Variants in RRP12 observed in about 807,000 individuals in gnomAD.
The protein encoded by RRP12 is RRP12-like protein.
Under a neutral mutation model 157.3 loss-of-function variants are expected in RRP12, and 78 were observed. The ratio of observed to expected loss-of-function variants is 0.50; its 90% CI spans 0.41 to 0.60. RRP12 has a LOEUF of 0.60. Ranked by LOEUF, RRP12 falls within the 20% of genes least tolerant of loss-of-function variation. The probability of loss-of-function intolerance (pLI) is 0.00; values close to 1 mark genes in which losing one functional copy is unlikely to be tolerated. For synonymous variants in RRP12, 726 were observed against 670.9 expected (o/e 1.08, Z -1.27); for missense variants, 1,521 against 1,679.9 (o/e 0.91, Z 1.65).
intron 26 of RRP12, 36 bp from the exon 27 acceptor site, chr10:97,366,945 G>C: frequency 6.2e-7 from 1 of 1,610,214 alleles, no homozygotes; most frequent in Non-Finnish European, 8.5e-7. Context: ...GAGAGGCACT[G>C]GCCAGACAGC....
At chr10:97,373,318 G>A in intron 17 of RRP12, 118 bp from the exon 18 acceptor site, 1 of 1,158,776 alleles carries the variant, frequency 8.6e-7, no homozygotes, top group Non-Finnish European at 1.2e-6. Context: ...TGGAATCCAT[G>A]GGTTTGGGGC....
intron 30 of RRP12, among the ~76,000 whole-genome samples, chr10:97,361,761 T>C (rs1843846718): frequency 6.6e-6 from 1 of 152,156 alleles, no homozygotes; most frequent in South Asian, 2.1e-4. Context: ...TGGCCCTGAA[T>C]GGAGGCAGCT....
intron 30 of RRP12, among the ~76,000 whole-genome samples, chr10:97,360,925 G>A (rs1364724512): frequency 1.3e-5 from 2 of 152,216 alleles, no homozygotes; most frequent in African/African-American, 4.8e-5. Flanking sequence ...GAGGGCTTCT[G>A]ACATCAGCTT....
In RRP12 at chr10:97,371,052, G is replaced by C; in HGVS notation, c.2373C>G (p.Ala791=). ...ESKAHGVQKK[A]YRVLEEVCAS... is the part of the protein sequence containing the mutation. ...CACACACCTCCTCCAGCACTCGGTAGGCCTTCTTCTGCACCCCGTGGGCCT... is the reference window on the plus strand; with the variant it reads ...CACACACCTCCTCCAGCACTCGGTACGCCTTCTTCTGCACCCCGTGGGCCT... Residue 791 remains alanine, a synonymous_variant, in exon 21 of 34, where the codon GCC becomes GCG. Transcript: ENST00000370992. 1.2e-6 allele frequency: 2 copies of C among 1,613,836 alleles called. No homozygotes were observed. The highest frequency in any genetic ancestry group is 1.7e-5 in the Admixed American group (1 of 59,992).
chr10:97,379,897 T>G, intron 13 of RRP12, 127 bp from the exon 14 acceptor site: 1 of 853,232 alleles, frequency 1.2e-6, no homozygotes, highest in Non-Finnish European at 1.7e-6. Flanking sequence ...GGGTACAGAC[T>G]GAGAACCCAA....
intron 15 of RRP12, 39 bp downstream of exon 15, chr10:97,379,254 G>C: frequency 6.2e-7 from 1 of 1,609,352 alleles, no homozygotes; most frequent in Non-Finnish European, 8.5e-7. Context: ...CAGGACTGTG[G>C]GGAGCCTCAG....
chr10:97,398,322 G>A lies in RRP12; in HGVS notation c.369+1983C>T, dbSNP rs1163293616. 1.1e-4 allele frequency among the ~76,000 whole-genome samples: 10 copies of A among 93,614 alleles called. 2 individuals are homozygous for A. The highest frequency in any genetic ancestry group is 1.8e-4 in the Non-Finnish European group (9 of 49,970). 61.4% of individuals were successfully genotyped at this position (93,614 alleles called of 152,430 possible). A position where few individuals can be genotyped will look rare whatever the true frequency, so the allele number is the denominator to read the frequency against. On this transcript the variant is annotated intron_variant, in intron 2 of 33. Coordinates refer to ENST00000370992, the MANE Select transcript of RRP12 (RefSeq NM_015179.4). ...ACCCGCCTCGGCCTCCCAAAGTGCT[G>A]GGATTACAGGCGTGAGCCACCGCGC... is the stretch of plus-strand genomic sequence containing the variant.
intron 2 of RRP12, among the ~76,000 whole-genome samples, chr10:97,397,392 C>A (rs2133102304): frequency 6.6e-6 from 1 of 151,980 alleles, no homozygotes; most frequent in Non-Finnish European, 1.5e-5. Context: ...GAACTTCTGA[C>A]CTCAAGTGAT....
chr10:97,374,810 T>C (rs1032909620), intron 15 of RRP12, among the ~76,000 whole-genome samples: 1 of 149,990 alleles, frequency 6.7e-6, no homozygotes, highest in African/African-American at 2.5e-5. Context: ...GAATATACTA[T>C]ATATATAGCA....
In RRP12 at chr10:97,380,977, G is replaced by A. The variant is rs558174259; in HGVS notation, c.1419-64C>T. 116 of 1,341,260 alleles carry A rather than the reference G, an allele frequency of 8.6e-5. 2 individuals carry two copies. In the South Asian group the frequency reaches 9.0e-4, roughly 10 times the overall value. The allele number at this position is 1,341,260 out of a possible 1,614,324, so 83.1% of individuals were successfully genotyped here. On this transcript the variant is annotated intron_variant, in intron 12 of 33. Coordinates refer to ENST00000370992, the MANE Select transcript of RRP12 (RefSeq NM_015179.4). Reference sequence around the variant, plus strand: ...CACCCTGTGCCCCCCACCAGAGAAAGTCAACGGCCAGCACCCTGAGCTACA... The same window carrying A: ...CACCCTGTGCCCCCCACCAGAGAAAATCAACGGCCAGCACCCTGAGCTACA...
intron 8 of RRP12, 131 bp from the exon 9 acceptor site, chr10:97,386,124 C>T (rs1319593320): frequency 1.3e-5 from 8 of 605,572 alleles, no homozygotes; most frequent in Non-Finnish European, 2.4e-5. Flanking sequence ...CACAGAGACA[C>T]CCTGAGGACT....
chr10:97,374,723 G>T (rs899998376), intron 15 of RRP12, among the ~76,000 whole-genome samples: 1 of 143,982 alleles, frequency 6.9e-6, no homozygotes, highest in Non-Finnish European at 1.5e-5. Context: ...AGTGAGCCGA[G>T]ATCGTGCTAT....
At chr10:97,373,502 G>A (rs1048839503) in intron 17 of RRP12, 73 bp downstream of exon 17, 15 of 1,454,644 alleles carry the variant, frequency 1.0e-5, no homozygotes, top group Non-Finnish European at 1.4e-5. Context: ...GGCAAGGAGT[G>A]TAGCAAGCCA....
chr10:97,357,361 A>G (rs1843738102), intron 33 of RRP12, among the ~76,000 whole-genome samples, 165 bp from the exon 34 acceptor site: 2 of 152,132 alleles, frequency 1.3e-5, no homozygotes, highest in South Asian at 4.1e-4. Context: ...CAGCTTCCAC[A>G]CGGCTCATGT....
chr10:97,375,150 G>C (rs533397089), intron 15 of RRP12, among the ~76,000 whole-genome samples: 8 of 151,932 alleles, frequency 5.3e-5, no homozygotes, highest in Admixed American at 4.6e-4. Flanking sequence ...TAGAGACGGA[G>C]GTCTCACTCT....
At chr10:97,387,867 G>A (rs946620597) in intron 8 of RRP12, 11 of 174,124 alleles carry the variant, frequency 6.3e-5, no homozygotes, top group South Asian at 3.0e-4. Context: ...GCTTGAACCC[G>A]GGAGCCAGAG....
rs1049411204 is a variant in RRP12, at chr10:97,388,561, T to C, written c.817A>G (p.Lys273Glu). The C allele has an allele frequency of 8.7e-6, 14 of 1,614,058 alleles. No homozygotes were observed. In the African/African-American group the frequency reaches 9.3e-5, roughly 11 times the overall value. Residue 273 changes from lysine (K) to glutamate (E), a missense_variant, in exon 7 of 34, where the codon AAG becomes GAG. Transcript: ENST00000370992. ...GCAGCAGGATGATGGGCAGGGGCCT[T>C]TTCAAACATGAATTCACTGCCCTTG... Reference protein sequence around the residue: ...VLKGSEFMFEKAPAHHPAAIS... With the variant: ...VLKGSEFMFEEAPAHHPAAIS...
At chr10:97,391,998 T>TG (rs1310743582) in intron 4 of RRP12, among the ~76,000 whole-genome samples, 2 of 47,458 alleles carry the variant, frequency 4.2e-5, no homozygotes, top group Non-Finnish European at 6.2e-5. Context: ...ATTCATGTTG[T>TG]GGGTTTTTTT....
chr10:97,373,222 G>T (rs1369117255), intron 17 of RRP12, 22 bp from the exon 18 acceptor site: 7 of 1,611,532 alleles, frequency 4.3e-6, no homozygotes, highest in African/African-American at 1.3e-5. Flanking sequence ...ATCAAAGTTT[G>T]CACTAAAGGC....
Sources: allele counts gnomAD v4.1 joint callset (sites outside exome capture counted in the v4.1 genomes callset), GRCh38; gene constraint gnomAD v4.1.1; transcripts MANE v1.5; gene names NCBI Gene and HGNC (gene_info 2026-07-23, HGNC 2026-07-21).